The following GPD2 variants were observed in gnomAD, a reference collection of about 807,000 sequenced individuals.
GPD2 encodes glycerol-3-phosphate dehydrogenase 2.
A neutral mutation model predicts 82.4 loss-of-function variants in GPD2; 54 were observed. That is an observed-to-expected ratio of 0.66 (90% CI 0.53 to 0.82). The LOEUF (loss-of-function observed/expected upper bound fraction) is 0.82, where lower values mean the gene tolerates loss of function less well. GPD2 is among the 40% of genes least tolerant of loss of function. The pLI, the probability that GPD2 is intolerant of heterozygous loss-of-function variation, is 0.00. For synonymous variants in GPD2, 288 were observed against 306.1 expected, an observed-to-expected ratio of 0.94 and a Z score of 0.62; for missense variants, 748 against 896.2, an observed-to-expected ratio of 0.83 and a Z score of 2.11.
the GPD2 span, among the ~76,000 whole-genome samples, chr2:156,411,084 T>C: frequency 5.3e-5 from 8 of 152,348 alleles, no homozygotes; most frequent in Non-Finnish European, 1.2e-4. Flanking sequence ...CTAGATGTTG[T>C]CTAACTTGAA....
intron 2 of GPD2, among the ~76,000 whole-genome samples, chr2:156,487,460 CA>C (rs1558923036): frequency 6.6e-6 from 1 of 152,206 alleles, no homozygotes; most frequent in South Asian, 2.1e-4. Flanking sequence ...GCCAGAAAGG[CA>C]GGCAGATCTA....
intron 2 of GPD2, among the ~76,000 whole-genome samples, chr2:156,488,522 T>C (rs1684030183): frequency 6.6e-6 from 1 of 152,258 alleles, no homozygotes; most frequent in Non-Finnish European, 1.5e-5. Flanking sequence ...TGGTTGTTAA[T>C]TGCCTGTGGT....
chr2:156,496,081 C>T lies in GPD2; in HGVS notation c.140C>T (p.Ser47Leu). 1 of 1,613,216 alleles carries T rather than the reference C, an allele frequency of 6.2e-7. No individual in the cohort carries two copies. The highest frequency in any genetic ancestry group is 1.3e-5 in the African/African-American group (1 of 75,022). The change falls in exon 3 of 17, where the codon TCA becomes TTA. Residue 47 changes from serine (S) to leucine (L), a missense_variant. Physicochemically the swap from Ser to Leu is moderately radical, Grantham distance 145 (BLOSUM62 -2). Around this residue, in one of 3 missense-constraint regions of GPD2, gnomAD observed 692 missense variants for 809.7 expected, o/e 0.85. Transcript: ENST00000438166. Reference sequence around the variant, plus strand: ...TATGTTAAAGCAGCAGACTGCATTTCAGAACCAGTTAACAGGGAGCCTCCT... The same window carrying T: ...TATGTTAAAGCAGCAGACTGCATTTTAGAACCAGTTAACAGGGAGCCTCCT... ...LAYVKAADCI[S>L]EPVNREPPSR...
At chr2:156,414,881 A>G in the GPD2 span, among the ~76,000 whole-genome samples, 1 of 152,154 alleles carries the variant, frequency 6.6e-6, no homozygotes, top group East Asian at 1.9e-4. Context: ...TTTAATATCT[A>G]TTGTTAAATA....
chr2:156,541,907 C>A (rs1686337891), intron 6 of GPD2, among the ~76,000 whole-genome samples: 1 of 118,256 alleles, frequency 8.5e-6, no homozygotes. Context: ...TTATTGTAAA[C>A]TAATGTGTGG....
At chr2:156,401,068 C>T in the GPD2 span, among the ~76,000 whole-genome samples, 2 of 152,140 alleles carry the variant, frequency 1.3e-5, no homozygotes, top group Non-Finnish European at 2.9e-5. Flanking sequence ...TTGCATGAGT[C>T]CAGTGTTTAA....
At chr2:156,413,835 C>T in the GPD2 span, among the ~76,000 whole-genome samples, 2 of 152,268 alleles carry the variant, frequency 1.3e-5, no homozygotes, top group East Asian at 1.9e-4. Flanking sequence ...ACCCAGGAAG[C>T]GGAGGTTGTG....
At chr2:156,496,704 A>T (rs1684394385) in intron 3 of GPD2, among the ~76,000 whole-genome samples, 1 of 151,994 alleles carries the variant, frequency 6.6e-6, no homozygotes, top group East Asian at 1.9e-4. Flanking sequence ...TGAGTTTATT[A>T]ATTTGTTCTG....
intron 16 of GPD2, among the ~76,000 whole-genome samples, chr2:156,581,790 T>G (rs1688033565): frequency 6.6e-6 from 1 of 152,098 alleles, no homozygotes; most frequent in Admixed American, 6.6e-5. Context: ...AAACAGCTTT[T>G]AATAAGGTCA....
At chr2:156,445,447 C>T (rs1573873806) in intron 1 of GPD2, among the ~76,000 whole-genome samples, 1 of 152,208 alleles carries the variant, frequency 6.6e-6, no homozygotes, top group East Asian at 1.9e-4. Flanking sequence ...TAATACTTTA[C>T]CTTGTAGTTC....
chr2:156,582,805 A>T lies in GPD2; in HGVS notation c.2071A>T (p.Ile691Phe). 1.9e-6 allele frequency: 3 copies of T among 1,613,052 alleles called. No homozygotes were observed. The highest frequency in any genetic ancestry group is 2.5e-6 in the Non-Finnish European group (3 of 1,179,148). Residue 691 changes from isoleucine (I) to phenylalanine (F), a missense_variant, in exon 17 of 17, where the codon ATT becomes TTT. Ile to Phe is a conservative substitution (Grantham distance 21). Coordinates refer to ENST00000438166, the MANE Select transcript of GPD2 (RefSeq NM_000408.5). The part of the protein sequence containing the change: ...LNEFLQLMSA[I>F]QKGRVSGSRL... ...TTTTCTCTTTAAGCTGATGAGTGCT[A>T]TTCAAAAAGGAAGGGTATCTGGAAG...
At chr2:156,528,606 A>G (rs1188229205) in intron 6 of GPD2, among the ~76,000 whole-genome samples, 135 of 100,392 alleles carry the variant, frequency 1.3e-3, no homozygotes, top group Non-Finnish European at 2.3e-3. Context: ...ACCCCACAAC[A>G]GGCCCCAGAG....
chr2:156,532,023 T>C (rs1294731777), intron 6 of GPD2, among the ~76,000 whole-genome samples: 1 of 151,952 alleles, frequency 6.6e-6, no homozygotes, highest in Non-Finnish European at 1.5e-5. Flanking sequence ...CTTTTTTAAG[T>C]GACAAAGTCT....
chr2:156,499,066 A>G (rs1167038920), intron 3 of GPD2, among the ~76,000 whole-genome samples: 2 of 152,262 alleles, frequency 1.3e-5, no homozygotes, highest in African/African-American at 2.4e-5. Context: ...TTTCTCAGGG[A>G]TAGAAACAAA....
chr2:156,561,872 C>T (rs182011407), intron 9 of GPD2, among the ~76,000 whole-genome samples: 9 of 152,262 alleles, frequency 5.9e-5, no homozygotes, highest in East Asian at 1.9e-4. Flanking sequence ...CAAAATGCGT[C>T]GGAACAATTC....
At chr2:156,531,109 T>G (rs1380882156) in intron 6 of GPD2, among the ~76,000 whole-genome samples, 1 of 152,240 alleles carries the variant, frequency 6.6e-6, no homozygotes, top group East Asian at 1.9e-4. Context: ...GATTAAACAC[T>G]TCACTCACTG....
At chr2:156,452,264 A>G (rs574821322) in intron 1 of GPD2, among the ~76,000 whole-genome samples, 1 of 152,342 alleles carries the variant, frequency 6.6e-6, no homozygotes, top group Non-Finnish European at 1.5e-5. Flanking sequence ...CCTGGGCACC[A>G]TTGAGCACTG....
intron 6 of GPD2, among the ~76,000 whole-genome samples, chr2:156,534,471 T>G (rs1685988460): frequency 1.3e-5 from 2 of 152,252 alleles, no homozygotes; most frequent in South Asian, 4.1e-4. Context: ...AACTGCCTTC[T>G]TCTACCCAGT....
chr2:156,431,879 T>G (rs912305322), upstream of GPD2, among the ~76,000 whole-genome samples: 1 of 136,288 alleles, frequency 7.3e-6, no homozygotes, highest in Non-Finnish European at 1.5e-5. Flanking sequence ...TGCGTGTCTG[T>G]GAAATCTTTT....
Sources: allele counts gnomAD v4.1 joint callset (sites outside exome capture counted in the v4.1 genomes callset), GRCh38; gene constraint gnomAD v4.1.1; regional missense constraint gnomAD v4.1.1; transcripts MANE v1.5; gene names NCBI Gene and HGNC (gene_info 2026-07-23, HGNC 2026-07-21).